The following CASZ1 variants were observed in gnomAD, a reference collection of about 807,000 sequenced individuals.
CASZ1 encodes the protein castor zinc finger 1.
In CASZ1, 28 loss-of-function variants were observed where a neutral mutation model predicts 135.2. The observed-to-expected ratio is 0.21, with a 90% confidence interval of 0.15 to 0.28. CASZ1 has a LOEUF of 0.28. CASZ1 is among the 10% of genes least tolerant of loss of function. The pLI, the probability that CASZ1 is intolerant of heterozygous loss-of-function variation, is 1.00. For missense variants in CASZ1, 2,161 were observed against 2,453.3 expected (o/e 0.88, Z 2.52); for synonymous variants, 1,068 against 1,073.4 (o/e 0.99, Z 0.10).
At position 10,647,588 on chromosome 1, in the gene CASZ1, G is replaced by A. The variant is rs1051947775; in HGVS notation, c.3497+213C>T. On this transcript the variant is annotated intron_variant, in intron 16 of 20. Coordinates refer to ENST00000377022, the MANE Select transcript of CASZ1 (RefSeq NM_001079843.3). The surrounding 1 kb of genome is among the most constrained non-coding windows in gnomAD (Gnocchi z 4.9). The stretch of plus-strand genomic sequence containing the variant: ...AGCAGTAGCCACTGCCGCCACCATC[G>A]GCCCACGCGGGCTGGCCTGCTCTGG... 5.0e-5 allele frequency: 71 copies of A among 1,424,114 alleles called. No homozygotes were observed. The highest frequency in any genetic ancestry group is 1.3e-4 in the East Asian group (5 of 38,966). 88.2% of individuals were successfully genotyped at this position (1,424,114 alleles called of 1,614,324 possible).
At chr1:10,738,918 G>C (rs1365046803) in intron 2 of CASZ1, among the ~76,000 whole-genome samples, 5 of 69,174 alleles carry the variant, frequency 7.2e-5, no homozygotes, top group African/African-American at 3.0e-4. Flanking sequence ...ATGAAGGAAG[G>C]TTTTTTTTTT....
At chr1:10,793,930 T>C (rs1641010207) in intron 1 of CASZ1, among the ~76,000 whole-genome samples, 1 of 152,022 alleles carries the variant, frequency 6.6e-6, no homozygotes, top group Non-Finnish European at 1.5e-5. Context: ...ATTGCGCAGG[T>C]CGCGACGCCC....
At position 10,724,575 on chromosome 1, in the gene CASZ1, G is replaced by T. The variant is rs1486869575; in HGVS notation, c.-76-19031C>A. ...GGCTTTGGAGCCCAGGAATCACCTA[G>T]CCCTCAGGGGTAGGGGCTCAGGGAG... On this transcript the variant is annotated intron_variant, in intron 2 of 20. Transcript: ENST00000377022. The surrounding 1 kb of genome is among the most constrained non-coding windows in gnomAD (Gnocchi z 4.1). Among the ~76,000 whole-genome samples, 1 of 152,194 alleles carries T rather than the reference G, an allele frequency of 6.6e-6. No homozygotes were observed. The highest frequency in any genetic ancestry group is 2.4e-5 in the African/African-American group (1 of 41,458).
Position 10,638,400 on chromosome 1 carries a change from G to C in CASZ1, c.*542C>G, listed in dbSNP as rs1642066090. Reference sequence around the variant, plus strand: ...GGGTGGGGCTGAGCTGGAGCTCCGCGGCTGCTACTCCCGTGAGGCTTCCTC... The same window carrying C: ...GGGTGGGGCTGAGCTGGAGCTCCGCCGCTGCTACTCCCGTGAGGCTTCCTC... On this transcript the variant is annotated 3_prime_UTR_variant, in exon 21 of 21. Coordinates refer to ENST00000377022, the MANE Select transcript of CASZ1 (RefSeq NM_001079843.3). This position sits in a 1 kb window ranked among gnomAD's most constrained non-coding sequence, Gnocchi z 5.9. The C allele has an allele frequency of 6.6e-6, 1 of 152,186 alleles. No homozygotes were observed. The highest frequency in any genetic ancestry group is 2.4e-5 in the African/African-American group (1 of 41,410). 9.4% of individuals were successfully genotyped at this position (152,186 alleles called of 1,614,324 possible).
intron 1 of CASZ1, among the ~76,000 whole-genome samples, chr1:10,766,157 G>C (rs776436054): frequency 5.9e-5 from 9 of 151,978 alleles, no homozygotes; most frequent in African/African-American, 2.2e-4. Context: ...AATACCGTGC[G>C]GAGGGTCAGA....
chr1:10,687,308 C>G (rs1638626481), intron 4 of CASZ1, among the ~76,000 whole-genome samples: 1 of 152,250 alleles, frequency 6.6e-6, no homozygotes, highest in Non-Finnish European at 1.5e-5. Context: ...CCTCCAAAGC[C>G]AGGCAGTGCC....
intron 1 of CASZ1, among the ~76,000 whole-genome samples, chr1:10,771,904 C>A (rs768183831): frequency 6.6e-6 from 1 of 152,218 alleles, no homozygotes; most frequent in Non-Finnish European, 1.5e-5. Context: ...GCTGCTGCAG[C>A]CCCTTGTCCC....
chr1:10,750,095 G>A (rs1405461624), intron 2 of CASZ1, among the ~76,000 whole-genome samples: 1 of 152,156 alleles, frequency 6.6e-6, no homozygotes, highest in Non-Finnish European at 1.5e-5. Flanking sequence ...CGGGGGCAGG[G>A]AGAGTCAGGC....
Position 10,642,894 on chromosome 1 carries a change from G to C in CASZ1, c.4127C>G (p.Ser1376Cys), listed in dbSNP as rs1025967736. ...SESSTMDRSC[S>C]STPVGNESTA... is the part of the protein sequence containing the mutation. ...GCTCTCGTTACCCACGGGGGTGCTG[G>C]AGCAGCTCCGGTCCATGGTGGATGA... Residue 1376 changes from serine to cysteine, a missense_variant, in exon 20 of 21, where the codon TCC becomes TGC. Ser to Cys is a moderately radical substitution (Grantham distance 112, BLOSUM62 -1). Transcript: ENST00000377022. 1.5e-5 allele frequency: 24 copies of C among 1,612,882 alleles called. No homozygotes were observed. The highest frequency in any genetic ancestry group is 2.0e-5 in the Non-Finnish European group (24 of 1,179,948).
At position 10,655,696 on chromosome 1, in the gene CASZ1, G is replaced by A; in HGVS notation, c.1618C>T (p.His540Tyr). 6.2e-7 allele frequency: 1 copy of A among 1,614,090 alleles called. No homozygotes were observed. The highest frequency in any genetic ancestry group is 8.5e-7 in the Non-Finnish European group (1 of 1,179,952). Residue 540 changes from histidine (H) to tyrosine (Y), a missense_variant, in exon 9 of 21, where the codon CAC becomes TAC. This residue lies in a region of CASZ1 where 248 missense variants were observed against 410.8 expected (regional missense o/e 0.60). Coordinates refer to ENST00000377022, the MANE Select transcript of CASZ1 (RefSeq NM_001079843.3). Reference protein sequence around the residue: ...SPLDDCSVYYHGCHLNGKSTH... With the variant: ...SPLDDCSVYYYGCHLNGKSTH... ...CTCTTCCCATTGAGGTGGCAGCCGT[G>A]GTAGTAGACGCTGCAGTCGTCCAGC...
Position 10,640,078 on chromosome 1 carries a change from G to T in CASZ1, c.4163-19C>A. 6.3e-7 allele frequency: 1 copy of T among 1,595,674 alleles called. No homozygotes were observed. Among genetic ancestry groups the T allele is most frequent in the East Asian group, 2.2e-5 (1 of 44,762 alleles). On this transcript the variant is annotated intron_variant, in intron 20 of 20. Transcript: ENST00000377022. ...GTGTTCCCTGGGGAGGGGCAGGGAG[G>T]TCAGTGCAGAAGAGGGACCCACGTG... is the stretch of plus-strand genomic sequence containing the variant.
chr1:10,662,452 G>A (rs1025156184), intron 5 of CASZ1, among the ~76,000 whole-genome samples: 2 of 150,832 alleles, frequency 1.3e-5, no homozygotes, highest in Non-Finnish European at 3.0e-5. Context: ...ACTCTCACCC[G>A]CACATACGCA....
Position 10,697,814 on chromosome 1 carries a change from G to GA in CASZ1, c.-23-3903dup, listed in dbSNP as rs527293957. Among the ~76,000 whole-genome samples, 37 of 152,400 alleles carry GA rather than the reference G, an allele frequency of 2.4e-4. No individual in the cohort carries two copies. The highest frequency in any genetic ancestry group is 7.9e-4 in the African/African-American group (33 of 41,604). ...TCTGAGGCGACTGGGCCAGGGCACA[G>GA]AAGCCTTGGCCAAAGGACTGCGTGT... On this transcript the variant is annotated intron_variant, in intron 3 of 20. Coordinates refer to ENST00000377022, the MANE Select transcript of CASZ1 (RefSeq NM_001079843.3). The surrounding 1 kb of genome is among the most constrained non-coding windows in gnomAD (Gnocchi z 4.7).
At chr1:10,656,781 G>T in intron 7 of CASZ1, 45 bp from the exon 8 acceptor site, 1 of 1,330,312 alleles carries the variant, frequency 7.5e-7, no homozygotes, top group Non-Finnish European at 1.1e-6. Flanking sequence ...GTGGGTGACA[G>T]TCCCAGCCCC....
intron 1 of CASZ1, among the ~76,000 whole-genome samples, chr1:10,790,975 TA>T (rs201721877): frequency 1.3e-5 from 2 of 150,356 alleles, no homozygotes; most frequent in African/African-American, 4.9e-5. Context: ...ATTTTTTTTT[TA>T]AAAAAGAAAA....
chr1:10,781,710 A>G lies in CASZ1; in HGVS notation c.-234+14854T>C, dbSNP rs150643994. 5.3e-4 allele frequency among the ~76,000 whole-genome samples: 80 copies of G among 152,244 alleles called. No homozygotes were observed. In the East Asian group the frequency reaches 0.012, roughly 23 times the overall value. On this transcript the variant is annotated intron_variant, in intron 1 of 20. Coordinates refer to ENST00000377022, the MANE Select transcript of CASZ1 (RefSeq NM_001079843.3). ...TCATGATGACAGATGGGGAGGGTGG[A>G]GTAGAGACAGTACTAGTAGCAACGA...
rs966290090 is a variant in CASZ1, at chr1:10,724,440, A to G, written c.-76-18896T>C. 1.3e-5 allele frequency among the ~76,000 whole-genome samples: 2 copies of G among 152,202 alleles called. No homozygotes were observed. Among genetic ancestry groups the G allele is most frequent in the Non-Finnish European group, 2.9e-5 (2 of 68,048 alleles). ...GCAAAATAAGGTAACCTGAGCTATTAAACCCGGGGGCCAGGTGGTACCTAC... is the reference window on the plus strand; with the variant it reads ...GCAAAATAAGGTAACCTGAGCTATTGAACCCGGGGGCCAGGTGGTACCTAC... On this transcript the variant is annotated intron_variant, in intron 2 of 20. Coordinates refer to ENST00000377022, the MANE Select transcript of CASZ1 (RefSeq NM_001079843.3). This position sits in a 1 kb window ranked among gnomAD's most constrained non-coding sequence, Gnocchi z 4.1.
chr1:10,639,079 G>T lies in CASZ1; in HGVS notation c.5143C>A (p.Leu1715Met). 8.7e-7 allele frequency: 1 copy of T among 1,144,716 alleles called. No individual in the cohort carries two copies. The highest frequency in any genetic ancestry group is 7.0e-5 in the East Asian group (1 of 14,256). The allele number at this position is 1,144,716 out of a possible 1,614,324, so 70.9% of individuals were successfully genotyped here. A position where few individuals can be genotyped will look rare whatever the true frequency, so the allele number is the denominator to read the frequency against. Reference protein sequence around the residue: ...DDDEDDDDEDLRTDSEESLPE... With the variant: ...DDDEDDDDEDMRTDSEESLPE... ...AGCGACTCCTCCGAGTCGGTGCGCA[G>T]GTCCTCGTCGTCGTCGTCCTCGTCG... is the stretch of plus-strand genomic sequence containing the variant. The change falls in exon 21 of 21, where the codon CTG (leucine) becomes ATG (methionine). Residue 1715 changes from leucine to methionine, a missense_variant. Coordinates refer to ENST00000377022, the MANE Select transcript of CASZ1 (RefSeq NM_001079843.3). This position sits in a 1 kb window ranked among gnomAD's most constrained non-coding sequence, Gnocchi z 4.0.
At chr1:10,691,481 G>T (rs549369796) in intron 4 of CASZ1, among the ~76,000 whole-genome samples, 3 of 152,202 alleles carry the variant, frequency 2.0e-5, no homozygotes, top group African/African-American at 7.2e-5. Context: ...GTTAACCTAC[G>T]ATCAGGGAGG....
Sources: allele counts gnomAD v4.1 joint callset (sites outside exome capture counted in the v4.1 genomes callset), GRCh38; gene constraint gnomAD v4.1.1; regional missense constraint gnomAD v4.1.1; non-coding constraint Gnocchi (gnomAD v3.1); transcripts MANE v1.5; gene names NCBI Gene and HGNC (gene_info 2026-07-23, HGNC 2026-07-21).